The following ADAMTS19 variants were observed in gnomAD, a reference collection of about 807,000 sequenced individuals.
ADAMTS19 encodes ADAM metallopeptidase with thrombospondin type 1 motif 19.
ADAMTS19 carries 93 observed loss-of-function variants against 153.3 expected under a neutral mutation model. The observed-to-expected ratio is 0.61, with a 90% CI of 0.51 to 0.72. The LOEUF is 0.72. Among genes scored for constraint, ADAMTS19 ranks in the 30% least tolerant of loss-of-function variants. The pLI, the probability that ADAMTS19 is intolerant of heterozygous loss-of-function variation, is 0.00. For synonymous variants in ADAMTS19, 600 were observed against 556.6 expected (o/e 1.08, Z -1.10); for missense variants, 1,482 against 1,552.1 (o/e 0.95, Z 0.76).
chr5:129,465,927 A>C (rs1749841070), intron 2 of ADAMTS19, among the ~76,000 whole-genome samples: 1 of 152,228 alleles, frequency 6.6e-6, no homozygotes, highest in East Asian at 1.9e-4. Context: ...GCTTGGATTA[A>C]GGGAAACATA....
intron 21 of ADAMTS19, among the ~76,000 whole-genome samples, chr5:129,721,944 T>C (rs556822114): frequency 6.6e-6 from 1 of 152,362 alleles, no homozygotes; most frequent in South Asian, 2.1e-4. Context: ...ATCCCTTTTA[T>C]GGCTGCATAG....
intron 2 of ADAMTS19, among the ~76,000 whole-genome samples, chr5:129,467,886 A>T (rs537770118): frequency 6.6e-6 from 1 of 152,296 alleles, no homozygotes; most frequent in East Asian, 1.9e-4. Context: ...TCTGATCTGG[A>T]GGTAGTTTAT....
At chr5:129,505,743 A>G (rs1751248586) in intron 2 of ADAMTS19, among the ~76,000 whole-genome samples, 1 of 152,170 alleles carries the variant, frequency 6.6e-6, no homozygotes, top group Admixed American at 6.6e-5. Flanking sequence ...ATAACATTAA[A>G]TGACAAAAGA....
At chr5:129,556,191 T>C (rs866617317) in intron 7 of ADAMTS19, among the ~76,000 whole-genome samples, 1 of 152,180 alleles carries the variant, frequency 6.6e-6, no homozygotes, top group East Asian at 1.9e-4. Context: ...ATGTAGATCA[T>C]GGAAGAAAAT....
At chr5:129,682,169 A>G (rs1168785256) in intron 17 of ADAMTS19, among the ~76,000 whole-genome samples, 2 of 152,214 alleles carry the variant, frequency 1.3e-5, no homozygotes, top group Non-Finnish European at 2.9e-5. Flanking sequence ...AGCATGAAGC[A>G]TAATTAAACT....
chr5:129,714,505 A>G (rs1011939426), intron 21 of ADAMTS19, among the ~76,000 whole-genome samples: 2 of 152,156 alleles, frequency 1.3e-5, no homozygotes, highest in Non-Finnish European at 2.9e-5. Context: ...TATAGAGCGT[A>G]ATAAATAAAT....
intron 7 of ADAMTS19, among the ~76,000 whole-genome samples, chr5:129,567,556 A>C (rs926071081): frequency 6.6e-6 from 1 of 152,160 alleles, no homozygotes; most frequent in Non-Finnish European, 1.5e-5. Context: ...AAATAATTGG[A>C]ATAAAATCTC....
chr5:129,701,276 T>A (rs1755834345), intron 19 of ADAMTS19, 112 bp from the exon 20 acceptor site: 1 of 1,226,820 alleles, frequency 8.2e-7, no homozygotes, highest in African/African-American at 1.5e-5. Flanking sequence ...ACCTCTTTCC[T>A]TTGTAAATTG....
intron 2 of ADAMTS19, among the ~76,000 whole-genome samples, chr5:129,497,862 A>C (rs1750975689): frequency 6.6e-6 from 1 of 152,054 alleles, no homozygotes; most frequent in Non-Finnish European, 1.5e-5. Context: ...AACTGACTTC[A>C]AACTGGCCTC....
chr5:129,676,339 A>T (rs980162303), intron 16 of ADAMTS19, among the ~76,000 whole-genome samples: 4 of 152,192 alleles, frequency 2.6e-5, no homozygotes, highest in Non-Finnish European at 4.4e-5. Context: ...CAACTAAAGT[A>T]ACCTTTGTTC....
chr5:129,474,479 C>T (rs115408355), intron 2 of ADAMTS19, among the ~76,000 whole-genome samples: 3,349 of 152,182 alleles, frequency 0.022, 55 homozygotes, highest in Non-Finnish European at 0.029. Context: ...TACTGCCAAA[C>T]TTTTTTTCAA....
chr5:129,510,834 A>C (rs1196402406), intron 3 of ADAMTS19, among the ~76,000 whole-genome samples: 2 of 148,822 alleles, frequency 1.3e-5, no homozygotes, highest in Non-Finnish European at 3.0e-5. Flanking sequence ...TGTTTGGCAA[A>C]TGTTGTGCAT....
At chr5:129,537,357 A>G (rs1372950972) in intron 6 of ADAMTS19, among the ~76,000 whole-genome samples, 1 of 152,198 alleles carries the variant, frequency 6.6e-6, no homozygotes, top group Non-Finnish European at 1.5e-5. Context: ...CCATTGTGGA[A>G]GTCGGTGTTG....
At chr5:129,710,352 T>A (rs1756387455) in intron 21 of ADAMTS19, among the ~76,000 whole-genome samples, 1 of 152,216 alleles carries the variant, frequency 6.6e-6, no homozygotes, top group African/African-American at 2.4e-5. Context: ...TGTACCACAT[T>A]TTCTTGATCC....
Position 129,608,084 on chromosome 5 carries a change from A to ATGTG in ADAMTS19, c.1478+11421_1478+11422insGTGT, listed in dbSNP as rs1315224170. 5.4e-4 allele frequency among the ~76,000 whole-genome samples: 10 copies of ATGTG among 18,574 alleles called. No individual in the cohort carries two copies. The South Asian group carries it at 0.023, about 42-fold the overall frequency. 12.2% of individuals were successfully genotyped at this position (18,574 alleles called of 152,430 possible). A position where few individuals can be genotyped will look rare whatever the true frequency, so the allele number is the denominator to read the frequency against. ...ATATTCATTATATAATTGGAATTTT[A>ATGTG]TATATATGTGTGTGTGTGTGTGTGT... On this transcript the variant is annotated intron_variant, in intron 8 of 22. Transcript: ENST00000274487.
chr5:129,622,710 G>T (rs67282124), intron 10 of ADAMTS19, among the ~76,000 whole-genome samples: 9,128 of 152,096 alleles, frequency 0.06, 437 homozygotes, highest in African/African-American at 0.14. Context: ...TCCCTGAGCA[G>T]ATACCAAAAC....
chr5:129,666,135 T>C (rs112464062), intron 16 of ADAMTS19, among the ~76,000 whole-genome samples: 3 of 151,994 alleles, frequency 2.0e-5, no homozygotes, highest in African/African-American at 7.2e-5. Context: ...CATTTTTAAA[T>C]TTTTAACTAT....
At chr5:129,562,911 G>T (rs1360776698) in intron 7 of ADAMTS19, among the ~76,000 whole-genome samples, 1 of 151,958 alleles carries the variant, frequency 6.6e-6, no homozygotes, top group African/African-American at 2.4e-5. Flanking sequence ...AGGTTGGAAT[G>T]ATCCAGGTTA....
At chr5:129,563,853 T>C (rs1206016868) in intron 7 of ADAMTS19, among the ~76,000 whole-genome samples, 2 of 152,172 alleles carry the variant, frequency 1.3e-5, no homozygotes, top group African/African-American at 2.4e-5. Flanking sequence ...TAAGTACTGC[T>C]GTGAAGGAAT....
Sources: gnomAD v4.1 joint callset for allele counts (sites outside exome capture counted in the v4.1 genomes callset) on GRCh38, gnomAD v4.1.1 for gene constraint, MANE v1.5 for transcripts, NCBI Gene and HGNC (gene_info 2026-07-23, HGNC 2026-07-21) for gene names.